RRBP1: variants seen among roughly 807,000 people sequenced by gnomAD.
The protein encoded by RRBP1 is ribosome-binding protein 1.
A neutral mutation model predicts 165.2 loss-of-function variants in RRBP1; 94 were observed. The observed-to-expected ratio is 0.57, with a 90% CI of 0.48 to 0.68. RRBP1 has a LOEUF of 0.68. RRBP1 is among the 30% of genes least tolerant of loss of function. RRBP1 has a pLI of 0.00. For synonymous variants in RRBP1, 680 were observed against 714.5 expected (o/e 0.95, Z 0.77); for missense variants, 1,676 against 1,763.0 (o/e 0.95, Z 0.88).
chr20:17,672,635 C>T (rs1412291816), intron 2 of RRBP1, among the ~76,000 whole-genome samples: 1 of 152,212 alleles, frequency 6.6e-6, no homozygotes, highest in Non-Finnish European at 1.5e-5. Context: ...AAGCCGAGCA[C>T]CTACCTCCTT....
chr20:17,620,731 T>C lies in RRBP1; in HGVS notation c.3491A>G (p.Glu1164Gly). ...TGCATATACCTTCTGGAGCTCCTCC[T>C]CTGCGGCGCCCACCTTGGCCCTCCA... The part of the protein sequence containing the change: ...QVWRAKVGAA[E>G]EELQKSRVTV... The change falls in exon 17 of 25, where the codon GAG (glutamate) becomes GGG (glycine). Residue 1164 changes from glutamate to glycine, a missense_variant. Around this residue, in one of 5 missense-constraint regions of RRBP1, gnomAD observed 1,184 missense variants for 1,167.1 expected, o/e 1.01. Transcript: ENST00000377813. 1 of 1,606,198 alleles carries C rather than the reference T, an allele frequency of 6.2e-7. No homozygotes were observed. The highest frequency in any genetic ancestry group is 1.3e-5 in the African/African-American group (1 of 74,698).
intron 2 of RRBP1, among the ~76,000 whole-genome samples, chr20:17,661,255 C>A (rs182865668): frequency 6.6e-6 from 1 of 152,300 alleles, no homozygotes; most frequent in Admixed American, 6.5e-5. Flanking sequence ...GAAACGTGTT[C>A]AAAAATTCAG....
intron 1 of RRBP1, among the ~76,000 whole-genome samples, chr20:17,681,115 G>A (rs2037174429): frequency 6.6e-6 from 1 of 151,512 alleles, no homozygotes; most frequent in South Asian, 2.1e-4. Context: ...GCGGGCACCA[G>A]GCCGGGTGCC....
intron 16 of RRBP1, among the ~76,000 whole-genome samples, 185 bp downstream of exon 16, chr20:17,621,273 C>T (rs967846496): frequency 1.3e-5 from 2 of 152,200 alleles, no homozygotes; most frequent in Non-Finnish European, 2.9e-5. Flanking sequence ...TTCTCTTCAG[C>T]TTAGAAACAA....
chr20:17,662,609 A>G (rs2036786526), intron 2 of RRBP1, among the ~76,000 whole-genome samples: 1 of 152,176 alleles, frequency 6.6e-6, no homozygotes, highest in African/African-American at 2.4e-5. Context: ...TGTGATCCAC[A>G]GCCAGGGCAC....
intron 2 of RRBP1, among the ~76,000 whole-genome samples, chr20:17,663,600 G>A (rs546193767): frequency 6.6e-6 from 1 of 152,284 alleles, no homozygotes; most frequent in Admixed American, 6.5e-5. Context: ...TACCACCACG[G>A]ACAGCAAAGA....
At chr20:17,652,719 G>A (rs2036580127) in intron 3 of RRBP1, among the ~76,000 whole-genome samples, 1 of 152,228 alleles carries the variant, frequency 6.6e-6, no homozygotes, top group Non-Finnish European at 1.5e-5. Context: ...AGCCCCAGCA[G>A]AGGGGCAACG....
At position 17,616,803 on chromosome 20, in the gene RRBP1, C is replaced by G. The variant is rs1172096266; in HGVS notation, c.3796G>C (p.Glu1266Gln). 6.2e-7 allele frequency: 1 copy of G among 1,613,394 alleles called. No individual in the cohort carries two copies. The highest frequency in any genetic ancestry group is 1.3e-5 in the African/African-American group (1 of 75,042). Residue 1266 changes from glutamate to glutamine, a missense_variant, in exon 21 of 25, where the codon GAG becomes CAG. Coordinates refer to ENST00000377813, the MANE Select transcript of RRBP1 (RefSeq NM_001365613.2). Reference sequence around the variant, plus strand: ...GGGGCCCCAGCTATGTCACCATCCTCTACGTGGCTCTTCATTTCACTCAAC... The same window carrying G: ...GGGGCCCCAGCTATGTCACCATCCTGTACGTGGCTCTTCATTTCACTCAAC... ...QQLSEMKSHV[E>Q]DGDIAGAPAS...
chr20:17,620,347 G>A lies in RRBP1; in HGVS notation c.3531C>T (p.Leu1177=), dbSNP rs114498635. ...LQKSRVTVKH[L]EEIVEKLKGE... The stretch of plus-strand genomic sequence containing the variant: ...CTTTTAGCTTCTCTACAATCTCTTC[G>A]AGATGCTTCACTGTGACCCGGGACT... The change falls in exon 18 of 25, where the codon CTC becomes CTT. Residue 1177 remains leucine (L), a synonymous_variant. Coordinates refer to ENST00000377813, the MANE Select transcript of RRBP1 (RefSeq NM_001365613.2). The A allele has an allele frequency of 5.3e-4, 862 of 1,613,694 alleles. 2 individuals carry two copies. In the African/African-American group the frequency reaches 8.0e-3, roughly 15 times the overall value.
In RRBP1 at chr20:17,624,620, C is replaced by T. The variant is rs200276432; in HGVS notation, c.3103G>A (p.Glu1035Lys). The T allele has an allele frequency of 5.0e-6, 8 of 1,592,050 alleles. No individual in the cohort carries two copies. Among genetic ancestry groups the T allele is most frequent in the East Asian group, 2.3e-5 (1 of 44,148 alleles). ...WKAMEALATA[E>K]QACKEKLLSL... ...AGCAGCTTCTCCTTGCAGGCCTGCT[C>T]GGCCGTGGCCAGTGCCTCCATGGCC... is the stretch of plus-strand genomic sequence containing the variant. The change falls in exon 13 of 25, where the codon GAG becomes AAG. Residue 1035 changes from glutamate (E) to lysine (K), a missense_variant. Transcript: ENST00000377813.
At chr20:17,653,919 C>T (rs992969658) in intron 3 of RRBP1, among the ~76,000 whole-genome samples, 2 of 152,030 alleles carry the variant, frequency 1.3e-5, no homozygotes, top group African/African-American at 2.4e-5. Flanking sequence ...CCCCAGCCAC[C>T]AAAGACCAAT....
chr20:17,677,772 G>A (rs2037109805), intron 2 of RRBP1, among the ~76,000 whole-genome samples: 1 of 152,094 alleles, frequency 6.6e-6, no homozygotes, highest in African/African-American at 2.4e-5. Context: ...CCGGGAGGTA[G>A]AAGTTGCAGT....
chr20:17,627,535 G>C lies in RRBP1; in HGVS notation c.2897C>G (p.Ala966Gly). The C allele has an allele frequency of 6.2e-7, 1 of 1,612,358 alleles. No individual in the cohort carries two copies. The highest frequency in any genetic ancestry group is 8.5e-7 in the Non-Finnish European group (1 of 1,179,294). ...RIRSIEALLE[A>G]GQARDAQDVQ... The stretch of plus-strand genomic sequence containing the variant: ...GTCCTGGGCATCCCGCGCCTGGCCC[G>C]CCTCCAGCAGGGCCTCAATGGAACG... The change falls in exon 10 of 25, where the codon GCG (alanine) becomes GGG (glycine). Residue 966 changes from alanine to glycine, a missense_variant. Transcript: ENST00000377813.
In RRBP1 at chr20:17,627,618, G is replaced by A. The variant is rs760473880; in HGVS notation, c.2814C>T (p.Gly938=). The stretch of plus-strand genomic sequence containing the variant: ...TGGCCTCCTGGAGCTGCCCGTGGAG[G>A]CCACTCAGCTCCTCGCATTTGCTGC... ...EVRSKCEELS[G]LHGQLQEARA... is the part of the protein sequence containing the mutation. Residue 938 remains glycine (G), a synonymous_variant, in exon 10 of 25, where the codon GGC becomes GGT. Transcript: ENST00000377813. 3.1e-6 allele frequency: 5 copies of A among 1,613,300 alleles called. No individual in the cohort carries two copies. Among genetic ancestry groups the A allele is most frequent in the Non-Finnish European group, 4.2e-6 (5 of 1,179,868 alleles).
intron 2 of RRBP1, among the ~76,000 whole-genome samples, chr20:17,667,567 G>A (rs973141216): frequency 6.6e-6 from 1 of 152,018 alleles, no homozygotes; most frequent in African/African-American, 2.4e-5. Flanking sequence ...ACATCCATAC[G>A]TGACTGAATT....
chr20:17,639,817 C>T (rs975371821), intron 5 of RRBP1, among the ~76,000 whole-genome samples: 5 of 150,906 alleles, frequency 3.3e-5, no homozygotes, highest in Middle Eastern at 3.2e-3. Context: ...CGCTTGAACC[C>T]GGGAGGCGGA....
chr20:17,616,164 G>C (rs1446594660), intron 21 of RRBP1, among the ~76,000 whole-genome samples, 155 bp from the exon 22 acceptor site: 1 of 152,148 alleles, frequency 6.6e-6, no homozygotes, highest in Non-Finnish European at 1.5e-5. Flanking sequence ...TCAGCCCCTG[G>C]TACAGACTTC....
intron 6 of RRBP1, 138 bp downstream of exon 6, chr20:17,636,439 G>T: frequency 9.8e-7 from 1 of 1,024,854 alleles, no homozygotes; most frequent in Non-Finnish European, 1.4e-6. Context: ...TCCTAAACCT[G>T]ACCAGACCTT....
chr20:17,625,369 G>A, intron 12 of RRBP1, 143 bp downstream of exon 12: 1 of 701,138 alleles, frequency 1.4e-6, no homozygotes, highest in Non-Finnish European at 2.4e-6. Context: ...CCCACACCCT[G>A]GACCCCCACA....
Sources: gnomAD v4.1 joint callset for allele counts (sites outside exome capture counted in the v4.1 genomes callset) on GRCh38, gnomAD v4.1.1 for gene constraint, gnomAD v4.1.1 regional missense constraint, MANE v1.5 for transcripts, NCBI Gene and HGNC (gene_info 2026-07-23, HGNC 2026-07-21) for gene names.